The following PGC variants were observed in gnomAD, a reference collection of about 807,000 sequenced individuals.
PGC encodes gastricsin.
Under a neutral mutation model 45.9 loss-of-function variants are expected in PGC, and 31 were observed. The observed-to-expected ratio is 0.67, with a 90% CI of 0.51 to 0.91. PGC has a LOEUF of 0.91. PGC is among the 40% of genes least tolerant of loss of function. PGC has a pLI of 0.00. For missense variants in PGC, 477 were observed against 493.2 expected (o/e 0.97, Z 0.31); for synonymous variants, 192 against 201.8 (o/e 0.95, Z 0.41).
chr6:41,747,289 C>A lies in PGC; in HGVS notation c.46G>T (p.Ala16Ser), dbSNP rs1771946121. 1 of 1,613,910 alleles carries A rather than the reference C, an allele frequency of 6.2e-7. No homozygotes were observed. The change falls in exon 1 of 9, where the codon GCA becomes TCA. Residue 16 changes from alanine to serine, a missense_variant. Coordinates refer to ENST00000373025, the MANE Select transcript of PGC (RefSeq NM_002630.4). ...VVLVCLQLLE[A>S]AVVKVPLKKF... is the part of the protein sequence containing the mutation. ...TCCCAGACTCACTTGACCACTGCTGCCTCCAAGAGCTGGAGGCAGACCAAG... is the reference window on the plus strand; with the variant it reads ...TCCCAGACTCACTTGACCACTGCTGACTCCAAGAGCTGGAGGCAGACCAAG...
intron 8 of PGC, 94 bp from the exon 9 acceptor site, chr6:41,737,098 G>C: frequency 8.1e-7 from 1 of 1,229,496 alleles, no homozygotes; most frequent in Non-Finnish European, 1.1e-6. Flanking sequence ...CACAAGTGCA[G>C]AGCTGAGGGA....
chr6:41,737,049 G>A, intron 8 of PGC, 45 bp from the exon 9 acceptor site: 1 of 1,574,132 alleles, frequency 6.4e-7, no homozygotes, highest in Non-Finnish European at 8.6e-7. Flanking sequence ...GTCCACACAT[G>A]AGCTGGGCCC....
intron 3 of PGC, 77 bp from the exon 4 acceptor site, chr6:41,743,466 A>G (rs571719420): frequency 1.1e-6 from 1 of 890,208 alleles, no homozygotes; most frequent in East Asian, 2.4e-5. Flanking sequence ...CCGGGTTCCC[A>G]CCTCAGCCTC....
At chr6:41,738,264 GCACACACA>G (rs10557594) in intron 7 of PGC, among the ~76,000 whole-genome samples, 1 of 47,194 alleles carries the variant, frequency 2.1e-5, no homozygotes, top group Non-Finnish European at 3.9e-5. Context: ...ATATATATAT[GCACACACA>G]CACACACACA....
chr6:41,740,649 A>G (rs751018130), intron 5 of PGC, 39 bp from the exon 6 acceptor site: 5 of 1,561,454 alleles, frequency 3.2e-6, no homozygotes, highest in Non-Finnish European at 4.3e-6. Flanking sequence ...AGGGAGTGCC[A>G]TGGAAAAGGA....
At chr6:41,739,280 C>A (rs1771778637) in intron 7 of PGC, among the ~76,000 whole-genome samples, 1 of 152,210 alleles carries the variant, frequency 6.6e-6, no homozygotes, top group Non-Finnish European at 1.5e-5. Flanking sequence ...CTAATAGTAA[C>A]CTCCTTCTCC....
At chr6:41,740,010 TC>T in intron 6 of PGC, 64 bp from the exon 7 acceptor site, 1 of 1,461,428 alleles carries the variant, frequency 6.8e-7, no homozygotes. Flanking sequence ...GGGCGGGCTT[TC>T]CCCACCACTG....
chr6:41,742,372 C>G lies in PGC; in HGVS notation c.565G>C (p.Val189Leu), dbSNP rs372664007. 1 of 1,614,152 alleles carries G rather than the reference C, an allele frequency of 6.2e-7. No homozygotes were observed. Among genetic ancestry groups the G allele is most frequent in the South Asian group, 1.1e-5 (1 of 91,090 alleles). Residue 189 changes from valine (V) to leucine (L), a missense_variant, in exon 5 of 9, where the codon GTG becomes CTG. Coordinates refer to ENST00000373025, the MANE Select transcript of PGC (RefSeq NM_002630.4). ...TGCATAGCTGTGGTGGCCTCATCCA[C>G]GGACAGAGCAGGGTAGGCCAGGCCC... Reference protein sequence around the residue: ...IMGLAYPALSVDEATTAMQGM... With the variant: ...IMGLAYPALSLDEATTAMQGM...
intron 1 of PGC, among the ~76,000 whole-genome samples, chr6:41,746,712 C>T (rs1159443190): frequency 6.6e-6 from 1 of 152,204 alleles, no homozygotes; most frequent in Non-Finnish European, 1.5e-5. Flanking sequence ...CTCTTGGCCT[C>T]AGGAAGTACT....
chr6:41,740,411 A>G (rs1771799211), intron 6 of PGC, 80 bp downstream of exon 6: 1 of 1,518,954 alleles, frequency 6.6e-7, no homozygotes, highest in Admixed American at 2.0e-5. Flanking sequence ...GAGCAGTGCC[A>G]GACTGTGTGT....
At chr6:41,745,662 G>A (rs1349672613) in intron 1 of PGC, among the ~76,000 whole-genome samples, 1 of 150,320 alleles carries the variant, frequency 6.7e-6, no homozygotes, top group East Asian at 2.0e-4. Flanking sequence ...CTATTCTTCT[G>A]CCTCAGCCTC....
chr6:41,738,416 C>A (rs1312153070), intron 7 of PGC, among the ~76,000 whole-genome samples: 12 of 149,228 alleles, frequency 8.0e-5, no homozygotes, highest in Admixed American at 8.0e-4. Flanking sequence ...TTGCTTGAGT[C>A]CAGAAGTTCG....
intron 1 of PGC, among the ~76,000 whole-genome samples, chr6:41,745,573 G>T (rs1272300867): frequency 7.4e-6 from 1 of 134,794 alleles, no homozygotes; most frequent in Non-Finnish European, 1.6e-5. Flanking sequence ...TTTTGAGACA[G>T]AGTTTCGCTC....
In PGC at chr6:41,744,940, T is replaced by G. The variant is rs1771901830; in HGVS notation, c.60-132A>C. 2 of 785,954 alleles carry G rather than the reference T, an allele frequency of 2.5e-6. No individual in the cohort carries two copies. The highest frequency in any genetic ancestry group is 4.1e-6 in the Non-Finnish European group (2 of 490,786). The allele number at this position is 785,954 out of a possible 1,614,324, so 48.7% of individuals were successfully genotyped here. Reference sequence around the variant, plus strand: ...CTCTGTTTGTTCCCCCTTGTCTGTGTGTGTCTTTTTCTCTCTCTCAGCCTT... The same window carrying G: ...CTCTGTTTGTTCCCCCTTGTCTGTGGGTGTCTTTTTCTCTCTCTCAGCCTT... On this transcript the variant is annotated intron_variant, in intron 1 of 8. Transcript: ENST00000373025. The surrounding 1 kb of genome is among the most constrained non-coding windows in gnomAD (Gnocchi z 4.4).
At chr6:41,739,321 A>ACAAGCCTCCAGGCCC (rs1256286238) in intron 7 of PGC, among the ~76,000 whole-genome samples, 1 of 152,210 alleles carries the variant, frequency 6.6e-6, no homozygotes, top group Non-Finnish European at 1.5e-5. Context: ...CCCCGCCTGA[A>ACAAGCCTCCAGGCCC]CAAGCCTCCA....
At chr6:41,743,918 A>C (rs879469504) in intron 3 of PGC, among the ~76,000 whole-genome samples, 2 of 152,180 alleles carry the variant, frequency 1.3e-5, no homozygotes, top group African/African-American at 2.4e-5. Context: ...TAAGAAAGCA[A>C]ACACTGCCTG....
At chr6:41,737,592 C>T in intron 8 of PGC, 138 bp downstream of exon 8, 1 of 591,912 alleles carries the variant, frequency 1.7e-6, no homozygotes, top group Non-Finnish European at 3.1e-6. Context: ...GGTTTAGAAT[C>T]AATGAGTGGG....
chr6:41,738,205 T>TATATATATATACATATATATATAC (rs1554138634), intron 7 of PGC, among the ~76,000 whole-genome samples: 2 of 63,366 alleles, frequency 3.2e-5, no homozygotes, highest in Non-Finnish European at 6.1e-5. Context: ...TATATATGCA[T>TATATATATATACATATATATATAC]ATATATATGC....
chr6:41,745,006 T>TGC (rs1771905287), intron 1 of PGC, among the ~76,000 whole-genome samples, 198 bp from the exon 2 acceptor site: 1 of 149,760 alleles, frequency 6.7e-6, no homozygotes, highest in Non-Finnish European at 1.5e-5. Flanking sequence ...TGTGTGTGTG[T>TGC]GTGTGTGTGC....
Sources: allele counts gnomAD v4.1 joint callset (sites outside exome capture counted in the v4.1 genomes callset), GRCh38; gene constraint gnomAD v4.1.1; non-coding constraint Gnocchi (gnomAD v3.1); transcripts MANE v1.5; gene names NCBI Gene and HGNC (gene_info 2026-07-23, HGNC 2026-07-21).